SLC25A13: variants seen among roughly 807,000 people sequenced by gnomAD.
SLC25A13 encodes solute carrier family 25 member 13, also known as electrogenic aspartate/glutamate antiporter SLC25A13, mitochondrial.
In SLC25A13, 70 loss-of-function variants were observed where a neutral mutation model predicts 85.5. That is an observed-to-expected ratio of 0.82 (90% CI 0.68 to 1.00). SLC25A13 has a LOEUF of 1.00. Ranked by LOEUF, SLC25A13 falls within the 50% of genes least tolerant of loss-of-function variation. The pLI, the probability that SLC25A13 is intolerant of heterozygous loss-of-function variation, is 0.00. For missense variants in SLC25A13, 765 were observed against 819.8 expected, an observed-to-expected ratio of 0.93 and a Z score of 0.82; for synonymous variants, 259 against 288.7, an observed-to-expected ratio of 0.90 and a Z score of 1.04.
At chr7:96,294,617 A>AG (rs991442494) in intron 2 of SLC25A13, among the ~76,000 whole-genome samples, 7 of 151,190 alleles carry the variant, frequency 4.6e-5, no homozygotes, top group Non-Finnish European at 8.9e-5. Flanking sequence ...TCAGAAAAAA[A>AG]AAAAAAGAAA....
At chr7:96,171,576 A>G (rs755015021) in intron 11 of SLC25A13, 52 bp from the exon 12 acceptor site, 5 of 1,485,074 alleles carry the variant, frequency 3.4e-6, no homozygotes, top group Non-Finnish European at 2.8e-6. Context: ...CATTAACTAA[A>G]CAAATCAACA....
intron 2 of SLC25A13, among the ~76,000 whole-genome samples, chr7:96,290,298 C>T (rs866731993): frequency 3.3e-5 from 5 of 152,184 alleles, no homozygotes; most frequent in Non-Finnish European, 5.9e-5. Flanking sequence ...AAAGGAACAA[C>T]TGGTACCAAC....
chr7:96,164,510 T>C (rs1047571707), intron 13 of SLC25A13, among the ~76,000 whole-genome samples: 2 of 152,208 alleles, frequency 1.3e-5, no homozygotes, highest in East Asian at 1.9e-4. Context: ...AGAAAGTTGC[T>C]ATCTAAATTT....
chr7:96,137,328 T>C (rs1792329887), intron 14 of SLC25A13, among the ~76,000 whole-genome samples: 4 of 152,258 alleles, frequency 2.6e-5, no homozygotes, highest in African/African-American at 9.6e-5. Context: ...ATATGAAATA[T>C]GAATGACTAT....
chr7:96,185,122 C>T (rs1433843357), intron 9 of SLC25A13, 111 bp from the exon 10 acceptor site: 1 of 695,818 alleles, frequency 1.4e-6, no homozygotes, highest in Non-Finnish European at 2.3e-6. Flanking sequence ...GTTCTAAATC[C>T]ATGATACAAC....
chr7:96,310,598 G>A (rs1373738494), intron 1 of SLC25A13, among the ~76,000 whole-genome samples: 3 of 152,210 alleles, frequency 2.0e-5, no homozygotes, highest in Non-Finnish European at 4.4e-5. Flanking sequence ...AATTCCAACA[G>A]TCTTTTACTG....
Position 96,236,720 on chromosome 7 carries a change from A to G in SLC25A13, c.213-1803T>C, listed in dbSNP as rs1469714126. Among the ~76,000 whole-genome samples the G allele has an allele frequency of 2.0e-5, 3 of 152,294 alleles. No homozygotes were observed. The East Asian group carries it at 5.8e-4, about 29-fold the overall frequency. On this transcript the variant is annotated intron_variant, in intron 3 of 17. Coordinates refer to ENST00000265631, the MANE Select transcript of SLC25A13 (RefSeq NM_014251.3). ...CTGGCTTCCATTTAACCTGGGTAGA[A>G]TTCCAACTGCTGTGGGAAGATGGTG...
intron 14 of SLC25A13, among the ~76,000 whole-genome samples, chr7:96,139,903 A>G (rs1177776004): frequency 6.7e-6 from 1 of 149,934 alleles, no homozygotes; most frequent in Non-Finnish European, 1.5e-5. Flanking sequence ...TAATGTTGCA[A>G]TGAACCTGGT....
At chr7:96,144,202 A>C (rs1792683941) in intron 14 of SLC25A13, among the ~76,000 whole-genome samples, 1 of 152,204 alleles carries the variant, frequency 6.6e-6, no homozygotes, top group South Asian at 2.1e-4. Context: ...AGAGAGGTTC[A>C]CATGAAACAA....
At chr7:96,269,939 G>A (rs1052986567) in intron 3 of SLC25A13, among the ~76,000 whole-genome samples, 3 of 152,168 alleles carry the variant, frequency 2.0e-5, no homozygotes, top group Non-Finnish European at 2.9e-5. Flanking sequence ...GCAGACTGGT[G>A]GTTGCCAGGG....
intron 4 of SLC25A13, among the ~76,000 whole-genome samples, chr7:96,231,299 T>C (rs1422361407): frequency 6.6e-6 from 1 of 152,142 alleles, no homozygotes; most frequent in Non-Finnish European, 1.5e-5. Context: ...CAAAAGCAAC[T>C]ATCAAGAGAG....
intron 4 of SLC25A13, among the ~76,000 whole-genome samples, chr7:96,228,254 C>T (rs1402649168): frequency 6.6e-6 from 1 of 152,172 alleles, no homozygotes; most frequent in East Asian, 1.9e-4. Context: ...TTATGTTCCT[C>T]AAGACTCAAA....
chr7:96,154,764 C>T (rs1025835767), intron 13 of SLC25A13, among the ~76,000 whole-genome samples: 6 of 150,230 alleles, frequency 4.0e-5, no homozygotes, highest in Admixed American at 6.6e-5. Context: ...AAGAGGATGA[C>T]GAGTAGGCTG....
chr7:96,283,955 T>C (rs1562902837), intron 2 of SLC25A13, among the ~76,000 whole-genome samples: 2 of 151,960 alleles, frequency 1.3e-5, no homozygotes, highest in Admixed American at 1.3e-4. Flanking sequence ...AAATTTAACG[T>C]ATTGCTTACC....
chr7:96,213,356 C>T (rs1337630748), intron 4 of SLC25A13, among the ~76,000 whole-genome samples: 4 of 152,132 alleles, frequency 2.6e-5, no homozygotes, highest in Non-Finnish European at 5.9e-5. Context: ...TTTAAGATTC[C>T]TCTATGTCTT....
At chr7:96,286,126 T>C (rs969229454) in intron 2 of SLC25A13, among the ~76,000 whole-genome samples, 4 of 151,556 alleles carry the variant, frequency 2.6e-5, no homozygotes, top group African/African-American at 9.7e-5. Context: ...CTACTAAAAA[T>C]GCAAAAAATT....
rs1245307974 is a variant in SLC25A13, at chr7:96,120,539, A to G, written c.*652T>C. On this transcript the variant is annotated 3_prime_UTR_variant, in exon 18 of 18. Transcript: ENST00000265631. ...TCAGTTTTTTCTGTCTGTACAGTAA[A>G]ATGCCAAAAGTACTTCCCTAAAGTA... 1 of 454,418 alleles carries G rather than the reference A, an allele frequency of 2.2e-6. No homozygotes were observed. The highest frequency in any genetic ancestry group is 2.0e-5 in the African/African-American group (1 of 49,998). The allele number at this position is 454,418 out of a possible 1,614,324, so 28.1% of individuals were successfully genotyped here. A position where few individuals can be genotyped will look rare whatever the true frequency, so the allele number is the denominator to read the frequency against.
At chr7:96,148,560 C>G (rs760560344) in intron 13 of SLC25A13, among the ~76,000 whole-genome samples, 1 of 151,862 alleles carries the variant, frequency 6.6e-6, no homozygotes, top group Non-Finnish European at 1.5e-5. Flanking sequence ...ACTCTTCATA[C>G]GAAAATCTTA....
At chr7:96,150,828 T>A (rs190726021) in intron 13 of SLC25A13, among the ~76,000 whole-genome samples, 1 of 152,206 alleles carries the variant, frequency 6.6e-6, no homozygotes, top group African/African-American at 2.4e-5. Flanking sequence ...GTTTGTGGTA[T>A]TTTGTTTTGG....
Sources: allele counts gnomAD v4.1 joint callset (sites outside exome capture counted in the v4.1 genomes callset), GRCh38; gene constraint gnomAD v4.1.1; transcripts MANE v1.5; gene names NCBI Gene and HGNC (gene_info 2026-07-23, HGNC 2026-07-21).